DLG2: variants seen among roughly 807,000 people sequenced by gnomAD.
DLG2 encodes the protein discs large MAGUK scaffold protein 2.
Under a neutral mutation model 132.5 loss-of-function variants are expected in DLG2, and 45 were observed. That is an observed-to-expected ratio of 0.34 (90% confidence interval 0.27 to 0.44). The LOEUF (loss-of-function observed/expected upper bound fraction) is 0.44. Ranked by LOEUF, DLG2 falls within the 20% of genes least tolerant of loss-of-function variation. DLG2 has a pLI of 1.00. For missense variants in DLG2, 1,045 were observed against 1,196.9 expected, an observed-to-expected ratio of 0.87 and a Z score of 1.87; for synonymous variants, 424 against 419.6, an observed-to-expected ratio of 1.01 and a Z score of -0.13.
At chr11:83,947,490 C>T (rs540194383) in intron 14 of DLG2, among the ~76,000 whole-genome samples, 5 of 152,204 alleles carry the variant, frequency 3.3e-5, no homozygotes, top group Admixed American at 1.3e-4. Context: ...GTGTTTCCCC[C>T]GCATTCACTT....
intron 7 of DLG2, among the ~76,000 whole-genome samples, chr11:84,293,178 G>C (rs909531925): frequency 6.6e-6 from 1 of 151,968 alleles, no homozygotes; most frequent in African/African-American, 2.4e-5. Flanking sequence ...GTGTGTGTTG[G>C]AAGTATTCTG....
chr11:85,196,311 A>G (rs2081064078), intron 4 of DLG2, among the ~76,000 whole-genome samples: 1 of 152,260 alleles, frequency 6.6e-6, no homozygotes, highest in African/African-American at 2.4e-5. Flanking sequence ...TTACAAAAGT[A>G]AAATTTTAAG....
chr11:83,746,844 C>A (rs1305194931), intron 18 of DLG2, among the ~76,000 whole-genome samples: 2 of 152,198 alleles, frequency 1.3e-5, no homozygotes, highest in Non-Finnish European at 2.9e-5. Flanking sequence ...AAGTTCTTCA[C>A]AAGAAGATTA....
rs148837617 is a variant in DLG2 at position 83,912,463 on chromosome 11, G to A, written c.1496+17865C>T. On this transcript the variant is annotated intron_variant, in intron 15 of 27. Transcript: ENST00000376104. ...ATGAGTGTACAAAAAATGGCACCGT[G>A]AAAAGAGTGCTAGCTGATTTCAAGA... Among the ~76,000 whole-genome samples the A allele has an allele frequency of 2.1e-3, 315 of 152,250 alleles. 1 individual carries two copies. The highest frequency in any genetic ancestry group is 6.9e-3 in the African/African-American group (287 of 41,566).
intron 4 of DLG2, among the ~76,000 whole-genome samples, chr11:85,255,740 T>C (rs190900076): frequency 1.1e-3 from 174 of 152,242 alleles, no homozygotes; most frequent in African/African-American, 4.0e-3. Flanking sequence ...AAGACAAATT[T>C]AAAATTATAT....
At chr11:83,631,827 A>G (rs939496075) in intron 19 of DLG2, 1 of 152,140 alleles carries the variant, frequency 6.6e-6, no homozygotes, top group South Asian at 2.1e-4. Context: ...GACTTTTTCC[A>G]ATTTGCTACC....
At chr11:85,238,674 C>A (rs1292576744) in intron 4 of DLG2, among the ~76,000 whole-genome samples, 1 of 152,026 alleles carries the variant, frequency 6.6e-6, no homozygotes, top group Non-Finnish European at 1.5e-5. Context: ...TACTTTTTCT[C>A]AAATTATATT....
rs573405316 is a variant in DLG2, at chr11:83,494,369, T to C, written c.2194-10141A>G. Among the ~76,000 whole-genome samples, 40 of 150,554 alleles carry C rather than the reference T, an allele frequency of 2.7e-4. 1 individual carries two copies. The highest frequency in any genetic ancestry group is 9.0e-4 in the African/African-American group (37 of 40,908). Reference sequence around the variant, plus strand: ...CTTGTAAACCCGCAAATTTAGTTTATGCCAGCTCCACCACCATCCCAGGAT... The same window carrying C: ...CTTGTAAACCCGCAAATTTAGTTTACGCCAGCTCCACCACCATCCCAGGAT... On this transcript the variant is annotated intron_variant, in intron 21 of 27. Coordinates refer to ENST00000376104, the MANE Select transcript of DLG2 (RefSeq NM_001142699.3).
At chr11:85,374,377 T>C (rs1314281690) in intron 3 of DLG2, among the ~76,000 whole-genome samples, 1 of 152,210 alleles carries the variant, frequency 6.6e-6, no homozygotes, top group Non-Finnish European at 1.5e-5. Context: ...TGTTGTTGAA[T>C]GTGATCAAAG....
At chr11:85,126,985 T>C (rs1381679872) in intron 5 of DLG2, among the ~76,000 whole-genome samples, 2 of 151,846 alleles carry the variant, frequency 1.3e-5, no homozygotes, top group Admixed American at 1.3e-4. Flanking sequence ...TGGCAGAAAA[T>C]AGGAGAGAGC....
At chr11:84,846,588 T>C (rs184791449) in intron 6 of DLG2, among the ~76,000 whole-genome samples, 1 of 152,262 alleles carries the variant, frequency 6.6e-6, no homozygotes, top group Admixed American at 6.5e-5. Context: ...GCAATCACAG[T>C]AATGTTTAGG....
chr11:83,919,714 C>T (rs894340995), intron 15 of DLG2, among the ~76,000 whole-genome samples: 1 of 152,160 alleles, frequency 6.6e-6, no homozygotes, highest in Admixed American at 6.5e-5. Context: ...ACAGTTTCCT[C>T]ATCTGGAAAA....
At chr11:85,152,499 A>C (rs1316269770) in intron 5 of DLG2, among the ~76,000 whole-genome samples, 4 of 152,082 alleles carry the variant, frequency 2.6e-5, no homozygotes, top group Non-Finnish European at 4.4e-5. Context: ...TTGGCCTCCC[A>C]AAGTGCTGGG....
chr11:83,905,842 C>T (rs1236818891), intron 15 of DLG2, among the ~76,000 whole-genome samples: 1 of 152,064 alleles, frequency 6.6e-6, no homozygotes, highest in Non-Finnish European at 1.5e-5. Context: ...TACTGTTATG[C>T]AGCTGTGTGA....
chr11:84,550,586 C>G (rs971207042), intron 6 of DLG2, among the ~76,000 whole-genome samples: 1 of 152,152 alleles, frequency 6.6e-6, no homozygotes, highest in African/African-American at 2.4e-5. Context: ...ATTTGACTTC[C>G]AAGGATGAGA....
At chr11:85,075,940 C>A (rs893869570) in intron 6 of DLG2, among the ~76,000 whole-genome samples, 2 of 151,832 alleles carry the variant, frequency 1.3e-5, no homozygotes, top group Non-Finnish European at 2.9e-5. Context: ...AAAAATTATA[C>A]AAGGGGGATA....
intron 19 of DLG2, among the ~76,000 whole-genome samples, chr11:83,600,428 G>A (rs1378898002): frequency 6.6e-6 from 1 of 152,136 alleles, no homozygotes; most frequent in Non-Finnish European, 1.5e-5. Flanking sequence ...GTCCATTCCT[G>A]AATATAAAAA....
chr11:83,880,717 T>C (rs1197993749), intron 15 of DLG2, among the ~76,000 whole-genome samples: 2 of 152,186 alleles, frequency 1.3e-5, no homozygotes, highest in Non-Finnish European at 2.9e-5. Context: ...CAAGTGTGGA[T>C]AGAAAAATAT....
chr11:85,192,689 A>T (rs2080694014), intron 4 of DLG2, among the ~76,000 whole-genome samples: 1 of 152,214 alleles, frequency 6.6e-6, no homozygotes, highest in Admixed American at 6.5e-5. Context: ...TAAATCACCA[A>T]ATCCTATTAC....
Sources: gnomAD v4.1 joint callset for allele counts (sites outside exome capture counted in the v4.1 genomes callset) on GRCh38, gnomAD v4.1.1 for gene constraint, MANE v1.5 for transcripts, NCBI Gene and HGNC (gene_info 2026-07-23, HGNC 2026-07-21) for gene names.